Variants in KRT72 observed in about 807,000 individuals in gnomAD.
KRT72 encodes keratin 72, also known as keratin, type II cytoskeletal 72.
A neutral mutation model predicts 44.7 loss-of-function variants in KRT72; 44 were observed. The ratio of observed to expected loss-of-function variants is 0.98; its 90% CI spans 0.77 to 1.27. KRT72 has a LOEUF of 1.27. Among genes scored for constraint, KRT72 ranks in the 50% most tolerant of loss-of-function variants. The pLI, the probability that KRT72 is intolerant of heterozygous loss-of-function variation, is 0.00. For missense variants in KRT72, 736 were observed against 667.1 expected (o/e 1.10, Z -1.14); for synonymous variants, 302 against 280.4 (o/e 1.08, Z -0.77).
At chr12:52,589,013 TATATTA>T (rs1390396774) in intron 6 of KRT72, among the ~76,000 whole-genome samples, 13 of 145,256 alleles carry the variant, frequency 8.9e-5, no homozygotes, top group African/African-American at 3.4e-4. Context: ...TATATATATA[TATATTA>T]ATTAATTAAT....
chr12:52,601,767 T>C (rs1017878702), upstream of KRT72, among the ~76,000 whole-genome samples: 8 of 152,114 alleles, frequency 5.3e-5, no homozygotes, highest in African/African-American at 1.9e-4. Context: ...CCTGCTGGCC[T>C]CCAATTACTG....
rs367838178 is a variant in KRT72 at position 52,590,839 on chromosome 12, C to T, written c.1086G>A (p.Lys362=). The change falls in exon 6 of 9, where the codon AAG becomes AAA. Residue 362 remains lysine, a synonymous_variant. Coordinates refer to ENST00000293745, the MANE Select transcript of KRT72 (RefSeq NM_080747.3). ...RIRSEIGNVK[K]QCADLETAIA... ...GGATTAATTTCATAGAACCCACCTG[C>T]TTCTTCACATTCCCTATCTCTGAGC... 2.7e-5 allele frequency: 42 copies of T among 1,572,572 alleles called. No individual in the cohort carries two copies. The East Asian group carries it at 3.2e-4, about 12-fold the overall frequency.
chr12:52,596,655 C>T (rs917354760), intron 2 of KRT72, among the ~76,000 whole-genome samples: 1 of 151,630 alleles, frequency 6.6e-6, no homozygotes, highest in Admixed American at 6.6e-5. Flanking sequence ...AGGTTCAAGA[C>T]ATTCTAATGC....
At position 52,587,345 on chromosome 12, in the gene KRT72, G is replaced by A. The variant is rs570615082; in HGVS notation, c.1310+286C>T. ...CCTTGAACTTGGACAGCCCTTAGAG[G>A]CCATCTTGCTCCTCCCCCCACCCAC... On this transcript the variant is annotated intron_variant, in intron 7 of 8. Transcript: ENST00000293745. Among the ~76,000 whole-genome samples the A allele has an allele frequency of 5.3e-5, 8 of 152,238 alleles. No individual in the cohort carries two copies. In the South Asian group the frequency reaches 1.7e-3, roughly 32 times the overall value.
chr12:52,596,172 T>C (rs537816058), intron 2 of KRT72, among the ~76,000 whole-genome samples: 7 of 152,182 alleles, frequency 4.6e-5, no homozygotes, highest in East Asian at 3.9e-4. Context: ...GTAAGCACTA[T>C]GGAAGAAAGA....
intron 2 of KRT72, among the ~76,000 whole-genome samples, chr12:52,595,015 T>C (rs1029904992): frequency 6.6e-6 from 1 of 152,228 alleles, no homozygotes; most frequent in African/African-American, 2.4e-5. Context: ...AAAAGATTAA[T>C]AATGTCTACC....
chr12:52,586,852 T>A, intron 8 of KRT72, 94 bp downstream of exon 8: 2 of 1,232,832 alleles, frequency 1.6e-6, no homozygotes, highest in Non-Finnish European at 1.2e-6. Flanking sequence ...GAGCCCCCTC[T>A]GTCATTCTGA....
In KRT72 at chr12:52,598,954, C is replaced by T. The variant is rs1403740431; in HGVS notation, c.585G>A (p.Val195=). The T allele has an allele frequency of 6.2e-7, 1 of 1,614,110 alleles. No individual in the cohort carries two copies. The highest frequency in any genetic ancestry group is 1.3e-5 in the African/African-American group (1 of 74,934). Residue 195 remains valine (V), a synonymous_variant, in exon 2 of 9, where the codon GTG becomes GTA. Transcript: ENST00000293745. Reference sequence around the variant, plus strand: ...TGTTCCTCAGCTCCGAATCCAGCCTCACCCCGTCCCCAGACAGCATCTCCA... The same window carrying T: ...TGTTCCTCAGCTCCGAATCCAGCCTTACCCCGTCCCCAGACAGCATCTCCA... The part of the protein sequence containing the change: ...KQLEMLSGDG[V]RLDSELRNMQ...
intron 4 of KRT72, among the ~76,000 whole-genome samples, chr12:52,591,944 AG>A (rs1940049678): frequency 6.6e-6 from 1 of 152,136 alleles, no homozygotes; most frequent in Non-Finnish European, 1.5e-5. Flanking sequence ...GAAGTCCCCT[AG>A]GGAGTCACTA....
chr12:52,599,255 C>T (rs754619746), intron 1 of KRT72, 143 bp from the exon 2 acceptor site: 12 of 748,720 alleles, frequency 1.6e-5, no homozygotes, highest in East Asian at 5.4e-5. Context: ...TGGATTCAGC[C>T]GAGGGACATG....
At chr12:52,586,198 GC>G in intron 8 of KRT72, 26 bp from the exon 9 acceptor site, 1 of 1,597,710 alleles carries the variant, frequency 6.3e-7, no homozygotes. Context: ...GAAGACCTCA[GC>G]CCCCGTCAGC....
chr12:52,588,086 G>A (rs573626455), intron 6 of KRT72, among the ~76,000 whole-genome samples: 124 of 152,356 alleles, frequency 8.1e-4, no homozygotes, highest in African/African-American at 2.8e-3. Flanking sequence ...GGAGGGAGGA[G>A]GGGAAGGCAC....
intron 7 of KRT72, 143 bp downstream of exon 7, chr12:52,587,488 G>T: frequency 1.2e-6 from 1 of 847,872 alleles, no homozygotes; most frequent in Non-Finnish European, 1.9e-6. Context: ...GTCTAACTTT[G>T]GCCTTCCTAA....
chr12:52,596,572 G>A (rs1446812681), intron 2 of KRT72, among the ~76,000 whole-genome samples: 2 of 141,888 alleles, frequency 1.4e-5, no homozygotes, highest in African/African-American at 5.3e-5. Context: ...TTTTTTTTTA[G>A]ACAGAATCTT....
chr12:52,587,020 T>G (rs779856511), intron 7 of KRT72, 40 bp from the exon 8 acceptor site: 1 of 1,598,362 alleles, frequency 6.3e-7, no homozygotes. Context: ...CCCCCATAAA[T>G]AATCACCCCA....
intron 6 of KRT72, among the ~76,000 whole-genome samples, chr12:52,590,266 A>T (rs942441502): frequency 6.6e-6 from 1 of 152,206 alleles, no homozygotes; most frequent in Admixed American, 6.5e-5. Context: ...GCCCCACGCT[A>T]GTGCAGGGCC....
chr12:52,599,197 G>A, intron 1 of KRT72, 85 bp from the exon 2 acceptor site: 1 of 1,306,228 alleles, frequency 7.7e-7, no homozygotes, highest in Non-Finnish European at 1.1e-6. Flanking sequence ...ACCAGAGGCA[G>A]CCATCCTGGG....
At position 52,600,925 on chromosome 12, in the gene KRT72, G is replaced by T. The variant is rs1347423481; in HGVS notation, c.426+102C>A. On this transcript the variant is annotated intron_variant, in intron 1 of 8. Transcript: ENST00000293745. ...AAATGGAAAAGGGAGGCTCGGAGAG[G>T]TTATGACCCGCCCACGCTCCCACAC... is the stretch of plus-strand genomic sequence containing the variant. 4 of 1,303,368 alleles carry T rather than the reference G, an allele frequency of 3.1e-6. No homozygotes were observed. The African/African-American group carries it at 4.5e-5, about 15-fold the overall frequency. The allele number at this position is 1,303,368 out of a possible 1,614,324, so 80.7% of individuals were successfully genotyped here.
At chr12:52,596,511 A>G (rs1940230537) in intron 2 of KRT72, among the ~76,000 whole-genome samples, 2 of 151,898 alleles carry the variant, frequency 1.3e-5, no homozygotes, top group South Asian at 2.1e-4. Flanking sequence ...GTCTTTTGAC[A>G]TTTAAAAACT....
Sources: gnomAD v4.1 joint callset for allele counts (sites outside exome capture counted in the v4.1 genomes callset) on GRCh38, gnomAD v4.1.1 for gene constraint, MANE v1.5 for transcripts, NCBI Gene and HGNC (gene_info 2026-07-23, HGNC 2026-07-21) for gene names.